ABHD2: variants seen among roughly 807,000 people sequenced by gnomAD.
The protein encoded by ABHD2 is abhydrolase domain containing 2, acylglycerol lipase.
ABHD2 carries 20 observed loss-of-function variants against 48.1 expected under a neutral mutation model. The observed-to-expected ratio is 0.42, with a 90% CI of 0.29 to 0.60. ABHD2 has a LOEUF of 0.60. ABHD2 is among the 20% of genes least tolerant of loss of function. ABHD2 has a pLI of 0.24. For synonymous variants in ABHD2, 209 were observed against 214.2 expected (o/e 0.98, Z 0.21); for missense variants, 405 against 550.9 (o/e 0.74, Z 2.65).
At chr15:89,156,754 T>C (rs2050681254) in intron 5 of ABHD2, among the ~76,000 whole-genome samples, 1 of 152,100 alleles carries the variant, frequency 6.6e-6, no homozygotes, top group Non-Finnish European at 1.5e-5. Flanking sequence ...TAGCTAAGGT[T>C]CTGGCTTCTG....
intron 1 of ABHD2, among the ~76,000 whole-genome samples, chr15:89,095,905 G>A (rs768367551): frequency 1.3e-5 from 2 of 152,184 alleles, no homozygotes; most frequent in Non-Finnish European, 2.9e-5. Flanking sequence ...GTGCACCCAC[G>A]TCGTCTCAGT....
Position 89,116,202 on chromosome 15 carries a change from T to A in ABHD2, c.-6-120T>A, listed in dbSNP as rs796762092. On this transcript the variant is annotated intron_variant, in intron 2 of 10. Transcript: ENST00000352732. This position sits in a 1 kb window ranked among gnomAD's most constrained non-coding sequence, Gnocchi z 4.6. ...TGCCTGTCAGGAGCCTGCGGAAACA[T>A]CTGAATTGTGACACACCGTCACTGG... The A allele has an allele frequency of 1.2e-5, 11 of 931,570 alleles. No individual in the cohort carries two copies. In the African/African-American group the frequency reaches 1.8e-4, roughly 15 times the overall value. The allele number at this position is 931,570 out of a possible 1,614,324, so 57.7% of individuals were successfully genotyped here.
chr15:89,111,290 T>C (rs930685556), intron 1 of ABHD2, among the ~76,000 whole-genome samples: 1 of 152,238 alleles, frequency 6.6e-6, no homozygotes, highest in Non-Finnish European at 1.5e-5. Context: ...AATACTCTTA[T>C]AACGCAGTGA....
intron 5 of ABHD2, among the ~76,000 whole-genome samples, chr15:89,159,628 A>T (rs1409919997): frequency 6.6e-6 from 1 of 152,212 alleles, no homozygotes; most frequent in African/African-American, 2.4e-5. Context: ...GCAGAAGAGC[A>T]GCATTCACAG....
intron 1 of ABHD2, among the ~76,000 whole-genome samples, chr15:89,096,683 G>A (rs536248534): frequency 6.6e-5 from 10 of 152,314 alleles, no homozygotes; most frequent in African/African-American, 2.4e-4. Flanking sequence ...TTCGGACCCT[G>A]AAAGTGATAA....
chr15:89,089,059 C>A (rs1337040115), intron 1 of ABHD2, among the ~76,000 whole-genome samples: 1 of 152,282 alleles, frequency 6.6e-6, no homozygotes, highest in East Asian at 1.9e-4. Context: ...TTTTGACCCA[C>A]TTGGAAGCAC....
the ABHD2 span, among the ~76,000 whole-genome samples, chr15:89,043,238 TAGGGGG>T: frequency 6.6e-6 from 1 of 152,044 alleles, no homozygotes; most frequent in Admixed American, 6.6e-5. Context: ...TCTAGCACCC[TAGGGGG>T]GCAAGTTTGC....
the ABHD2 span, among the ~76,000 whole-genome samples, chr15:89,041,002 C>A: frequency 6.6e-6 from 1 of 152,244 alleles, no homozygotes. Flanking sequence ...GCCAATAGGG[C>A]TCTAGCAAGA....
intron 5 of ABHD2, among the ~76,000 whole-genome samples, chr15:89,163,052 T>G (rs974287185): frequency 1.3e-5 from 2 of 152,234 alleles, no homozygotes; most frequent in African/African-American, 4.8e-5. Flanking sequence ...ATTGCCTCTC[T>G]TTTGAGCAGA....
At chr15:89,130,644 G>C (rs2050204712) in intron 3 of ABHD2, among the ~76,000 whole-genome samples, 7 of 152,194 alleles carry the variant, frequency 4.6e-5, no homozygotes, top group Admixed American at 4.6e-4. Context: ...GGACAAGCTT[G>C]AGAGCTTGTC....
intron 3 of ABHD2, among the ~76,000 whole-genome samples, chr15:89,139,921 C>T (rs2050376036): frequency 6.6e-6 from 1 of 152,302 alleles, no homozygotes; most frequent in South Asian, 2.1e-4. Flanking sequence ...CAGAGGACAT[C>T]ACCAGCCATT....
chr15:89,151,619 T>C lies in ABHD2; in HGVS notation c.195-58T>C. The C allele has an allele frequency of 1.3e-6, 2 of 1,543,250 alleles. No homozygotes were observed. The highest frequency in any genetic ancestry group is 1.7e-4 in the Middle Eastern group (1 of 5,744). On this transcript the variant is annotated intron_variant, in intron 3 of 10. Coordinates refer to ENST00000352732, the MANE Select transcript of ABHD2 (RefSeq NM_152924.5). The surrounding 1 kb of genome is among the most constrained non-coding windows in gnomAD (Gnocchi z 4.7). Reference sequence around the variant, plus strand: ...GTTGAAAGAGTTTTGCTAAAAGATTTTTCAGAACGTTGCTCAAGGAATGTA... The same window carrying C: ...GTTGAAAGAGTTTTGCTAAAAGATTCTTCAGAACGTTGCTCAAGGAATGTA...
the ABHD2 span, among the ~76,000 whole-genome samples, chr15:89,042,279 A>G: frequency 1.3e-5 from 2 of 152,196 alleles, no homozygotes; most frequent in Non-Finnish European, 2.9e-5. Context: ...CAGTGACACT[A>G]TTGAGGATTT....
chr15:89,115,680 A>ACCTGGGCTGAGTCTGAC (rs1356193029), intron 2 of ABHD2, among the ~76,000 whole-genome samples: 1 of 152,160 alleles, frequency 6.6e-6, no homozygotes, highest in East Asian at 1.9e-4. Context: ...GATCGCTGCG[A>ACCTGGGCTGAGTCTGAC]CCTGGGCTGA....
At chr15:89,117,806 G>T (rs975752448) in intron 3 of ABHD2, among the ~76,000 whole-genome samples, 8 of 152,294 alleles carry the variant, frequency 5.3e-5, no homozygotes, top group Admixed American at 5.2e-4. Flanking sequence ...ACATCTGAGA[G>T]TCTGGGCCCC....
chr15:89,151,564 G>A lies in ABHD2; in HGVS notation c.195-113G>A, dbSNP rs2050591326. ...AATAAAAGCCTCATGTTTATGCTTTGTGTGCAGAATTTCCCTGGAACAAAA... is the reference window on the plus strand; with the variant it reads ...AATAAAAGCCTCATGTTTATGCTTTATGTGCAGAATTTCCCTGGAACAAAA... On this transcript the variant is annotated intron_variant, in intron 3 of 10. Transcript: ENST00000352732. This position sits in a 1 kb window ranked among gnomAD's most constrained non-coding sequence, Gnocchi z 4.7. 8.6e-7 allele frequency: 1 copy of A among 1,161,534 alleles called. No homozygotes were observed. The highest frequency in any genetic ancestry group is 1.2e-6 in the Non-Finnish European group (1 of 817,022). The allele number at this position is 1,161,534 out of a possible 1,614,324, so 72.0% of individuals were successfully genotyped here.
At chr15:89,052,133 A>G in the ABHD2 span, among the ~76,000 whole-genome samples, 1 of 152,198 alleles carries the variant, frequency 6.6e-6, no homozygotes, top group Non-Finnish European at 1.5e-5. Context: ...GTATTATTCA[A>G]CTAGGTTACT....
At chr15:89,072,380 G>C in the ABHD2 span, among the ~76,000 whole-genome samples, 1 of 151,988 alleles carries the variant, frequency 6.6e-6, no homozygotes, top group African/African-American at 2.4e-5. Flanking sequence ...GGAGTCTGAG[G>C]CACAAGAATC....
In ABHD2 at chr15:89,197,833, CT is replaced by C. The variant is rs1200699501; in HGVS notation, c.*2415del. ...TGGGAGCCAGTGTCCCAGCTGAAATCTTTTTAGTGTGTGGCTCTGAATGGCA... is the reference window on the plus strand; with the variant it reads ...TGGGAGCCAGTGTCCCAGCTGAAATCTTTTAGTGTGTGGCTCTGAATGGCA... On this transcript the variant is annotated 3_prime_UTR_variant, in exon 11 of 11. Transcript: ENST00000352732. The surrounding 1 kb of genome is among the most constrained non-coding windows in gnomAD (Gnocchi z 4.4). 6.6e-6 allele frequency: 1 copy of C among 152,164 alleles called. No homozygotes were observed. The highest frequency in any genetic ancestry group is 1.5e-5 in the Non-Finnish European group (1 of 68,022). The allele number at this position is 152,164 out of a possible 1,614,324, so 9.4% of individuals were successfully genotyped here. A position where few individuals can be genotyped will look rare whatever the true frequency, so the allele number is the denominator to read the frequency against.
Sources: allele counts gnomAD v4.1 joint callset (sites outside exome capture counted in the v4.1 genomes callset), GRCh38; gene constraint gnomAD v4.1.1; non-coding constraint Gnocchi (gnomAD v3.1); transcripts MANE v1.5; gene names NCBI Gene and HGNC (gene_info 2026-07-23, HGNC 2026-07-21).